TENM4: variants seen among roughly 807,000 people sequenced by gnomAD.
TENM4 encodes the protein teneurin-4.
TENM4 carries 82 observed loss-of-function variants against 243.3 expected under a neutral mutation model. That is an observed-to-expected ratio of 0.34 (90% CI 0.28 to 0.40). The LOEUF (loss-of-function observed/expected upper bound fraction) is 0.40, where lower values mean the gene tolerates loss of function less well. Ranked by LOEUF, TENM4 falls within the 10% of genes least tolerant of loss-of-function variation. TENM4 has a pLI of 1.00. For missense variants in TENM4, 3,138 were observed against 3,673.3 expected (o/e 0.85, Z 3.77); for synonymous variants, 1,412 against 1,456.3 (o/e 0.97, Z 0.69).
chr11:78,697,513 T>A (rs1156542570), intron 28 of TENM4, among the ~76,000 whole-genome samples: 2 of 152,236 alleles, frequency 1.3e-5, no homozygotes, highest in Non-Finnish European at 2.9e-5. Flanking sequence ...TTGAGTTCTA[T>A]GTCCCGTTGG....
At chr11:79,163,832 C>T (rs1862817548) in intron 3 of TENM4, among the ~76,000 whole-genome samples, 1 of 142,922 alleles carries the variant, frequency 7.0e-6, no homozygotes, top group African/African-American at 2.6e-5. Flanking sequence ...TGTATGTGTA[C>T]ATATATATTA....
At chr11:79,291,749 C>T (rs972480325) in intron 2 of TENM4, among the ~76,000 whole-genome samples, 13 of 152,334 alleles carry the variant, frequency 8.5e-5, no homozygotes, top group Non-Finnish European at 1.8e-4. Context: ...CCTGGTTCCA[C>T]CCAAAGACAA....
At chr11:78,766,660 C>T (rs1030121592) in intron 18 of TENM4, among the ~76,000 whole-genome samples, 2 of 151,776 alleles carry the variant, frequency 1.3e-5, no homozygotes, top group African/African-American at 4.8e-5. Context: ...TAAAAACAAA[C>T]TAATAAAGCT....
At chr11:78,915,441 C>A (rs1304803662) in intron 6 of TENM4, among the ~76,000 whole-genome samples, 1 of 152,010 alleles carries the variant, frequency 6.6e-6, no homozygotes, top group East Asian at 1.9e-4. Flanking sequence ...TCTGGGGTAC[C>A]AGGTAGGTTC....
At chr11:79,026,786 C>A (rs942465145) in intron 6 of TENM4, among the ~76,000 whole-genome samples, 1 of 152,158 alleles carries the variant, frequency 6.6e-6, no homozygotes, top group Non-Finnish European at 1.5e-5. Flanking sequence ...GCTTCCTTCA[C>A]AAAATGAATT....
chr11:78,673,145 A>G (rs910150665), intron 30 of TENM4, among the ~76,000 whole-genome samples: 2 of 152,058 alleles, frequency 1.3e-5, no homozygotes, highest in Non-Finnish European at 2.9e-5. Context: ...GCCAGCACAC[A>G]GTTCAATTTC....
chr11:79,029,842 G>A (rs1040961910), intron 6 of TENM4, among the ~76,000 whole-genome samples: 2 of 152,106 alleles, frequency 1.3e-5, no homozygotes, highest in South Asian at 2.1e-4. Context: ...TATTCACTTC[G>A]GTAACAGCTT....
intron 18 of TENM4, among the ~76,000 whole-genome samples, chr11:78,759,185 C>G (rs986247222): frequency 6.6e-6 from 1 of 152,142 alleles, no homozygotes; most frequent in Non-Finnish European, 1.5e-5. Context: ...ACTTGTGGCT[C>G]CTGTCCCAGC....
intron 6 of TENM4, among the ~76,000 whole-genome samples, chr11:78,966,399 A>T (rs973210992): frequency 2.0e-5 from 3 of 152,310 alleles, no homozygotes; most frequent in South Asian, 4.2e-4. Context: ...TCTTTTTTAT[A>T]AAACAGTGTA....
intron 29 of TENM4, among the ~76,000 whole-genome samples, chr11:78,685,756 A>G (rs1327816860): frequency 6.6e-6 from 1 of 152,178 alleles, no homozygotes; most frequent in Non-Finnish European, 1.5e-5. Context: ...GAAGGACAAG[A>G]TGTCTGAGTA....
At chr11:78,798,159 A>T (rs1034188202) in intron 15 of TENM4, among the ~76,000 whole-genome samples, 12 of 152,244 alleles carry the variant, frequency 7.9e-5, no homozygotes, top group African/African-American at 2.9e-4. Flanking sequence ...TCAAATTTAA[A>T]TGTAATTATA....
Position 79,303,615 on chromosome 11 carries a change from G to C in TENM4, c.-320-6072C>G, listed in dbSNP as rs776233151. 2.0e-5 allele frequency among the ~76,000 whole-genome samples: 3 copies of C among 152,116 alleles called. No individual in the cohort carries two copies. In the East Asian group the frequency reaches 5.8e-4, roughly 29 times the overall value. ...TGCCTCGTATTATAGATAGAAACTG[G>C]GGGTAGTGAGAGGCTAACAAAATTG... is the stretch of plus-strand genomic sequence containing the variant. On this transcript the variant is annotated intron_variant, in intron 1 of 33. Transcript: ENST00000278550.
At chr11:79,387,646 A>G (rs1565325710) in intron 1 of TENM4, among the ~76,000 whole-genome samples, 2 of 149,362 alleles carry the variant, frequency 1.3e-5, no homozygotes, top group South Asian at 2.2e-4. Flanking sequence ...TCCCTACCCT[A>G]TTGAAACTCT....
At chr11:78,899,002 A>G in intron 7 of TENM4, among the ~76,000 whole-genome samples, 1 of 152,202 alleles carries the variant, frequency 6.6e-6, no homozygotes, top group Non-Finnish European at 1.5e-5. Flanking sequence ...GGTGTGGTGG[A>G]TTAAAGATGG....
At chr11:78,711,766 G>A (rs952657556) in intron 26 of TENM4, among the ~76,000 whole-genome samples, 3 of 152,150 alleles carry the variant, frequency 2.0e-5, no homozygotes, top group Admixed American at 2.0e-4. Flanking sequence ...CCAAGGCACA[G>A]GGGTCTCTCT....
chr11:78,941,645 G>C (rs1353458443), intron 6 of TENM4, among the ~76,000 whole-genome samples: 1 of 152,194 alleles, frequency 6.6e-6, no homozygotes, highest in African/African-American at 2.4e-5. Flanking sequence ...CTGGGGCAGG[G>C]CAGATGTGGG....
At chr11:79,010,870 C>G (rs1318049013) in intron 6 of TENM4, among the ~76,000 whole-genome samples, 1 of 152,170 alleles carries the variant, frequency 6.6e-6, no homozygotes, top group Non-Finnish European at 1.5e-5. Flanking sequence ...CTCTTTAGCA[C>G]CTGTCCACAA....
intron 1 of TENM4, among the ~76,000 whole-genome samples, chr11:79,408,720 T>C (rs977330845): frequency 6.6e-6 from 1 of 152,204 alleles, no homozygotes; most frequent in Middle Eastern, 3.2e-3. Context: ...AATAAGTTTG[T>C]CTTTTTTATG....
intron 6 of TENM4, among the ~76,000 whole-genome samples, chr11:78,958,108 G>A (rs757475084): frequency 6.6e-6 from 1 of 152,160 alleles, no homozygotes; most frequent in Non-Finnish European, 1.5e-5. Flanking sequence ...AACAGTGAAA[G>A]GGACATAAAT....
Sources: allele counts gnomAD v4.1 joint callset (sites outside exome capture counted in the v4.1 genomes callset), GRCh38; gene constraint gnomAD v4.1.1; transcripts MANE v1.5; gene names NCBI Gene and HGNC (gene_info 2026-07-23, HGNC 2026-07-21).